TAF15: variants seen among roughly 807,000 people sequenced by gnomAD.
TAF15 encodes the protein TATA-binding protein-associated factor 2N.
Under a neutral mutation model 102.5 loss-of-function variants are expected in TAF15, and 37 were observed. The ratio of observed to expected loss-of-function variants is 0.36; its 90% CI spans 0.28 to 0.47. The LOEUF (loss-of-function observed/expected upper bound fraction) is 0.47. TAF15 is among the 20% of genes least tolerant of loss of function. The probability of loss-of-function intolerance (pLI) is 0.99; values close to 1 mark genes in which losing one functional copy is unlikely to be tolerated. For missense variants in TAF15, 652 were observed against 760.7 expected, an observed-to-expected ratio of 0.86 and a Z score of 1.68; for synonymous variants, 273 against 259.2, an observed-to-expected ratio of 1.05 and a Z score of -0.51.
Position 35,833,905 on chromosome 17 carries a change from AGTG to A in TAF15, c.611_613del (p.Gly204del). The A allele has an allele frequency of 6.2e-7, 1 of 1,613,868 alleles. No homozygotes were observed. Among genetic ancestry groups the A allele is most frequent in the Non-Finnish European group, 8.5e-7 (1 of 1,179,890 alleles). On this transcript the variant is annotated splice_acceptor_variant and coding_sequence_variant, in exon 8 of 16. Transcript: ENST00000605844. LOFTEE classifies it high-confidence loss of function. ...ATCATTTCTTCAATTTTTCCTCTGC[AGTG>A]GTGGTGACCGCGGTGGCTTCAAAAA...
At chr17:35,839,928 C>T (rs1241924657) in intron 11 of TAF15, among the ~76,000 whole-genome samples, 1 of 152,120 alleles carries the variant, frequency 6.6e-6, no homozygotes, top group Non-Finnish European at 1.5e-5. Context: ...CTAACACTTA[C>T]TGCATGTTTA....
chr17:35,827,335 CAAAA>C (rs745381454), intron 7 of TAF15, among the ~76,000 whole-genome samples: 3 of 67,054 alleles, frequency 4.5e-5, no homozygotes, highest in Admixed American at 1.6e-4. Context: ...GACTCCGTCG[CAAAA>C]AAAAAAAAAA....
At chr17:35,809,995 G>A in intron 1 of TAF15, 3 of 323,592 alleles carry the variant, frequency 9.3e-6, no homozygotes, top group East Asian at 7.4e-5. Flanking sequence ...CAGTCATCTC[G>A]CCGCCTCGTA....
chr17:35,844,922 CGGTGGAGACCGAAGTGGAGGCTAT>C lies in TAF15; in HGVS notation c.1626_1649del (p.Tyr549_Gly556del), dbSNP rs2087604023. 1 of 1,609,904 alleles carries C rather than the reference CGGTGGAGACCGAAGTGGAGGCTAT, an allele frequency of 6.2e-7. No homozygotes were observed. The highest frequency in any genetic ancestry group is 8.5e-7 in the Non-Finnish European group (1 of 1,178,714). On this transcript the variant is annotated inframe_deletion, in exon 15 of 16. Coordinates refer to ENST00000605844, the MANE Select transcript of TAF15 (RefSeq NM_139215.3). Reference sequence around the variant, plus strand: ...GAGACCGTGGTGGTGGCAGTGGCTACGGTGGAGACCGAAGTGGAGGCTATGGAGGAGACAGGAGTGGTGGCGGCT... The same window carrying C: ...GAGACCGTGGTGGTGGCAGTGGCTACGGAGGAGACAGGAGTGGTGGCGGCT...
Position 35,845,614 on chromosome 17 carries a change from G to A in TAF15, c.1739+576G>A, listed in dbSNP as rs148331165. On this transcript the variant is annotated intron_variant, in intron 15 of 15. Transcript: ENST00000605844. Reference sequence around the variant, plus strand: ...TGCAAGCCCCGCCTCCTGGGTTCACGCCATTCTGCCTCAGCCTCCCAAGTA... The same window carrying A: ...TGCAAGCCCCGCCTCCTGGGTTCACACCATTCTGCCTCAGCCTCCCAAGTA... 4.1e-3 allele frequency among the ~76,000 whole-genome samples: 617 copies of A among 152,028 alleles called. 5 individuals are homozygous for A. The highest frequency in any genetic ancestry group is 0.014 in the African/African-American group (564 of 41,456).
chr17:35,829,655 A>AAAAAGAG (rs1555617626), intron 7 of TAF15, among the ~76,000 whole-genome samples: 10 of 135,528 alleles, frequency 7.4e-5, no homozygotes, highest in African/African-American at 3.0e-4. Flanking sequence ...AAAAAAAAAA[A>AAAAAGAG]AGAGAGAGAG....
At chr17:35,813,249 A>G (rs1031147325) in intron 1 of TAF15, among the ~76,000 whole-genome samples, 4 of 152,122 alleles carry the variant, frequency 2.6e-5, no homozygotes, top group African/African-American at 9.7e-5. Flanking sequence ...CTAGCAGAAG[A>G]AAGAATTACA....
At position 35,844,318 on chromosome 17, in the gene TAF15, G is replaced by A; in HGVS notation, c.1127G>A (p.Cys376Tyr). Residue 376 changes from cysteine (C) to tyrosine (Y), a missense_variant, in exon 14 of 16, where the codon TGC (cysteine) becomes TAC (tyrosine). Coordinates refer to ENST00000605844, the MANE Select transcript of TAF15 (RefSeq NM_139215.3). ...ATGAACTTTGCTCGAAGGAATTCCTGCAATCAGTGCAATGAGCCTAGACCA... is the reference window on the plus strand; with the variant it reads ...ATGAACTTTGCTCGAAGGAATTCCTACAATCAGTGCAATGAGCCTAGACCA... ...GNMNFARRNS[C>Y]NQCNEPRPED... is the part of the protein sequence containing the mutation. 6.2e-7 allele frequency: 1 copy of A among 1,614,220 alleles called. No individual in the cohort carries two copies. The highest frequency in any genetic ancestry group is 8.5e-7 in the Non-Finnish European group (1 of 1,180,052).
At chr17:35,845,375 C>T (rs2143837742) in intron 15 of TAF15, among the ~76,000 whole-genome samples, 1 of 152,296 alleles carries the variant, frequency 6.6e-6, no homozygotes, top group East Asian at 1.9e-4. Context: ...CTGCCTCAGT[C>T]TCCCAAGTAG....
chr17:35,834,592 G>T lies in TAF15; in HGVS notation c.667G>T (p.Asp223Tyr). The change falls in exon 9 of 16, where the codon GAT becomes TAT. Residue 223 changes from aspartate to tyrosine, a missense_variant. By Grantham distance (160) the Asp-to-Tyr change is radical. This residue lies in a region of TAF15 where 243 missense variants were observed against 284.1 expected (regional missense o/e 0.86). Coordinates refer to ENST00000605844, the MANE Select transcript of TAF15 (RefSeq NM_139215.3). ...TCACAGGGATTATGGACCCAGAACAGATGCTGGTAAGGTTTATGGTGGTTT... is the reference window on the plus strand; with the variant it reads ...TCACAGGGATTATGGACCCAGAACATATGCTGGTAAGGTTTATGGTGGTTT... ...GGHRDYGPRT[D>Y]ADSESDNSDN... 6.2e-7 allele frequency: 1 copy of T among 1,613,000 alleles called. No individual in the cohort carries two copies. The highest frequency in any genetic ancestry group is 8.5e-7 in the Non-Finnish European group (1 of 1,179,748).
At chr17:35,816,749 A>G (rs1481207617) in intron 1 of TAF15, 1 of 151,394 alleles carries the variant, frequency 6.6e-6, no homozygotes, top group Non-Finnish European at 1.5e-5. Context: ...GACATTTTGA[A>G]GTATTGAGAA....
rs187725948 is a variant in TAF15, at chr17:35,812,779, G to T, written c.7+3203G>T. Among the ~76,000 whole-genome samples, 57 of 152,094 alleles carry T rather than the reference G, an allele frequency of 3.7e-4. No homozygotes were observed. The East Asian group carries it at 0.011, about 28-fold the overall frequency. On this transcript the variant is annotated intron_variant, in intron 1 of 15. Coordinates refer to ENST00000605844, the MANE Select transcript of TAF15 (RefSeq NM_139215.3). ...AGAGCCTCTAACAGATTATCTGAGA[G>T]AATATTTTTATGTTTAAAATTGTTA...
At chr17:35,837,354 ATTAT>A (rs1568272845) in intron 10 of TAF15, among the ~76,000 whole-genome samples, 1 of 150,350 alleles carries the variant, frequency 6.7e-6, no homozygotes, top group African/African-American at 2.4e-5. Flanking sequence ...GAGTCTCCCT[ATTAT>A]TGCCCAGGCT....
intron 1 of TAF15, among the ~76,000 whole-genome samples, chr17:35,813,151 T>C (rs778931618): frequency 2.7e-5 from 4 of 149,962 alleles, no homozygotes; most frequent in African/African-American, 7.3e-5. Context: ...ATCAAGGTGT[T>C]AATAAAACAA....
intron 14 of TAF15, 53 bp downstream of exon 14, chr17:35,844,421 T>G: frequency 1.2e-6 from 2 of 1,611,988 alleles, no homozygotes; most frequent in South Asian, 2.2e-5. Flanking sequence ...TGACTAGCAT[T>G]AAGGGGGCTT....
chr17:35,836,164 A>G lies in TAF15; in HGVS notation c.706A>G (p.Ile236Val), dbSNP rs746088434. ...SESDNSDNNTIFVQGLGEGVS... is the reference protein window; with the variant it reads ...SESDNSDNNTVFVQGLGEGVS... Reference sequence around the variant, plus strand: ...ATCTGATAATTCAGATAACAACACAATCTTTGTGCAAGGACTTGGGGAGGG... The same window carrying G: ...ATCTGATAATTCAGATAACAACACAGTCTTTGTGCAAGGACTTGGGGAGGG... The change falls in exon 10 of 16, where the codon ATC (isoleucine) becomes GTC (valine). Residue 236 changes from isoleucine (I) to valine (V), a missense_variant. Ile to Val is a conservative substitution (Grantham distance 29, BLOSUM62 3). This residue lies in a region of TAF15 where 243 missense variants were observed against 284.1 expected (regional missense o/e 0.86). Transcript: ENST00000605844. 14 of 1,613,642 alleles carry G rather than the reference A, an allele frequency of 8.7e-6. No individual in the cohort carries two copies. Among genetic ancestry groups the G allele is most frequent in the Admixed American group, 3.3e-5 (2 of 60,002 alleles).
At position 35,823,981 on chromosome 17, in the gene TAF15, A is replaced by G. The variant is rs4251754; in HGVS notation, c.485-97A>G. On this transcript the variant is annotated intron_variant, in intron 6 of 15. Transcript: ENST00000605844. The stretch of plus-strand genomic sequence containing the variant: ...GTTGTGTGCACATGTGCCATTTTCT[A>G]TAAGGATATGTGTGGCCTAAAGAGC... The G allele has an allele frequency of 8.1e-4, 1,204 of 1,489,498 alleles. 1 individual carries two copies. Among genetic ancestry groups the G allele is most frequent in the Non-Finnish European group, 1.0e-3 (1,112 of 1,069,614 alleles). 92.3% of individuals were successfully genotyped at this position (1,489,498 alleles called of 1,614,324 possible).
At chr17:35,830,414 T>A (rs1227475065) in intron 7 of TAF15, 1 of 152,188 alleles carries the variant, frequency 6.6e-6, no homozygotes, top group African/African-American at 2.4e-5. Context: ...GTAAATGTTT[T>A]CTGCTTTTTC....
chr17:35,837,154 G>A lies in TAF15; in HGVS notation c.783+913G>A, dbSNP rs113141737. On this transcript the variant is annotated intron_variant, in intron 10 of 15. Transcript: ENST00000605844. ...ACACAAAATATGTAATTTTGTTGTT[G>A]TCGTTGTTGTCTTGAGACAGGGTCT... is the stretch of plus-strand genomic sequence containing the variant. Among the ~76,000 whole-genome samples, 9 of 151,962 alleles carry A rather than the reference G, an allele frequency of 5.9e-5. 1 individual carries two copies. The highest frequency in any genetic ancestry group is 1.9e-4 in the African/African-American group (8 of 41,450).
Sources: gnomAD v4.1 joint callset for allele counts (sites outside exome capture counted in the v4.1 genomes callset) on GRCh38, gnomAD v4.1.1 for gene constraint, gnomAD v4.1.1 regional missense constraint, MANE v1.5 for transcripts, NCBI Gene and HGNC (gene_info 2026-07-23, HGNC 2026-07-21) for gene names.